The following ANKS1B variants were observed in gnomAD, a reference collection of about 807,000 sequenced individuals.
ANKS1B encodes the protein ankyrin repeat and sterile alpha motif domain containing 1B, also known as ankyrin repeat and sterile alpha motif domain-containing protein 1B.
A neutral mutation model predicts 148.3 loss-of-function variants in ANKS1B; 36 were observed. That is an observed-to-expected ratio of 0.24 (90% CI 0.19 to 0.32). The LOEUF (loss-of-function observed/expected upper bound fraction) is 0.32. ANKS1B is among the 10% of genes least tolerant of loss of function. The pLI, the probability that ANKS1B is intolerant of heterozygous loss-of-function variation, is 1.00. For synonymous variants in ANKS1B, 542 were observed against 560.8 expected, an observed-to-expected ratio of 0.97 and a Z score of 0.47; for missense variants, 1,157 against 1,542.6, an observed-to-expected ratio of 0.75 and a Z score of 4.19.
At chr12:98,757,555 G>A (rs754402151) in intron 25 of ANKS1B, among the ~76,000 whole-genome samples, 8 of 152,044 alleles carry the variant, frequency 5.3e-5, no homozygotes, top group Admixed American at 1.3e-4. Flanking sequence ...GAGCCACCCG[G>A]TCCCCTGGCT....
chr12:99,288,598 T>A (rs1047840910), intron 12 of ANKS1B, among the ~76,000 whole-genome samples: 1 of 151,966 alleles, frequency 6.6e-6, no homozygotes, highest in African/African-American at 2.4e-5. Flanking sequence ...TCAAAAATAA[T>A]AATGGGGTGA....
chr12:99,736,543 TG>T (rs1203974184), intron 8 of ANKS1B, among the ~76,000 whole-genome samples: 1 of 151,194 alleles, frequency 6.6e-6, no homozygotes, highest in Non-Finnish European at 1.5e-5. Context: ...ACCAAGGAGG[TG>T]AAAGACATCT....
At chr12:99,785,341 A>G (rs1347133228) in intron 4 of ANKS1B, among the ~76,000 whole-genome samples, 1 of 151,872 alleles carries the variant, frequency 6.6e-6, no homozygotes, top group Admixed American at 6.6e-5. Context: ...TTGTTGCCCT[A>G]TACTAAATGT....
intron 15 of ANKS1B, among the ~76,000 whole-genome samples, chr12:99,113,670 C>T (rs903335943): frequency 6.6e-6 from 1 of 152,176 alleles, no homozygotes; most frequent in African/African-American, 2.4e-5. Flanking sequence ...TTGTGCCTTT[C>T]TCTTCATCCA....
At chr12:99,168,906 G>C (rs902351151) in intron 14 of ANKS1B, among the ~76,000 whole-genome samples, 1 of 152,100 alleles carries the variant, frequency 6.6e-6, no homozygotes, top group Non-Finnish European at 1.5e-5. Flanking sequence ...TGTCATAACT[G>C]CATTAAAATA....
chr12:98,768,713 G>A (rs1300975363), intron 25 of ANKS1B, among the ~76,000 whole-genome samples: 4 of 142,156 alleles, frequency 2.8e-5, no homozygotes, highest in Admixed American at 7.5e-5. Flanking sequence ...CAGCTTGGGC[G>A]ACAGAGCGAG....
At position 98,829,152 on chromosome 12, in the gene ANKS1B, A is replaced by T; in HGVS notation, c.3066+22T>A. The T allele has an allele frequency of 1.2e-6, 2 of 1,613,654 alleles. No homozygotes were observed. The highest frequency in any genetic ancestry group is 1.7e-6 in the Non-Finnish European group (2 of 1,179,720). ...TTACCTGATATGGTTGAAAAATATC[A>T]CAAAGGCTTATAACACCTTACCTGA... On this transcript the variant is annotated intron_variant, in intron 19 of 26. Transcript: ENST00000683438. The surrounding 1 kb of genome is among the most constrained non-coding windows in gnomAD (Gnocchi z 5.2).
At chr12:99,524,857 C>T (rs2096911188) in intron 9 of ANKS1B, among the ~76,000 whole-genome samples, 1 of 152,092 alleles carries the variant, frequency 6.6e-6, no homozygotes, top group Non-Finnish European at 1.5e-5. Context: ...AATTATCTCC[C>T]ACAGGATCCC....
intron 1 of ANKS1B, among the ~76,000 whole-genome samples, chr12:99,885,333 C>CA (rs1189751114): frequency 5.4e-5 from 7 of 130,400 alleles, no homozygotes. Flanking sequence ...TTTTTTGAGA[C>CA]AGAGTCACCC....
chr12:99,490,624 T>C (rs938491881), intron 10 of ANKS1B, among the ~76,000 whole-genome samples: 4 of 152,190 alleles, frequency 2.6e-5, no homozygotes, highest in Admixed American at 1.3e-4. Flanking sequence ...CTTCTTGAAT[T>C]TGTGTGTTCT....
In ANKS1B at chr12:98,801,107, G is replaced by A; in HGVS notation, c.3160C>T (p.Pro1054Ser). 1 of 1,612,380 alleles carries A rather than the reference G, an allele frequency of 6.2e-7. No individual in the cohort carries two copies. The highest frequency in any genetic ancestry group is 8.5e-7 in the Non-Finnish European group (1 of 1,179,228). The part of the protein sequence containing the change: ...QVHNTGDWGE[P>S]SITLRPPNEA... ...TTCGGAGGTCGCAAGGTAATGGAAG[G>A]TTCTCCCCAGTCTCCTGTCTGAAAA... Residue 1054 changes from proline to serine, a missense_variant, in exon 21 of 27, where the codon CCT becomes TCT. Around this residue, in one of 6 missense-constraint regions of ANKS1B, gnomAD observed 258 missense variants for 497.0 expected, o/e 0.52. Transcript: ENST00000683438. This position sits in a 1 kb window ranked among gnomAD's most constrained non-coding sequence, Gnocchi z 5.2.
intron 10 of ANKS1B, among the ~76,000 whole-genome samples, chr12:99,451,688 C>G (rs1275150828): frequency 2.0e-5 from 3 of 152,120 alleles, no homozygotes; most frequent in Non-Finnish European, 4.4e-5. Context: ...TCAGAAAACC[C>G]TAAGCTGAAA....
chr12:99,002,500 T>TTG (rs1555605948), intron 17 of ANKS1B, among the ~76,000 whole-genome samples: 4 of 151,986 alleles, frequency 2.6e-5, no homozygotes, highest in African/African-American at 9.7e-5. Flanking sequence ...CTTTTTTTTT[T>TTG]TGTGATGAGA....
intron 12 of ANKS1B, among the ~76,000 whole-genome samples, chr12:99,322,823 G>A (rs2085553569): frequency 6.6e-6 from 1 of 152,206 alleles, no homozygotes; most frequent in Non-Finnish European, 1.5e-5. Flanking sequence ...GAATCATGGA[G>A]GAAGTTTTCC....
chr12:98,820,883 T>C (rs1385199743), intron 19 of ANKS1B, among the ~76,000 whole-genome samples: 1 of 152,214 alleles, frequency 6.6e-6, no homozygotes, highest in African/African-American at 2.4e-5. Flanking sequence ...TTGCAAGATG[T>C]AGCTAAACAT....
chr12:99,249,126 A>C (rs1010088661), intron 12 of ANKS1B, among the ~76,000 whole-genome samples: 3 of 152,138 alleles, frequency 2.0e-5, no homozygotes, highest in Admixed American at 1.3e-4. Flanking sequence ...AGGTGGTAGG[A>C]AGGAGGAATT....
intron 17 of ANKS1B, among the ~76,000 whole-genome samples, chr12:98,985,311 T>C (rs1469231224): frequency 6.6e-6 from 1 of 152,126 alleles, no homozygotes; most frequent in Non-Finnish European, 1.5e-5. Context: ...AGAAGAGATC[T>C]TGCTATATTG....
intron 15 of ANKS1B, among the ~76,000 whole-genome samples, chr12:99,140,733 T>C (rs1566392485): frequency 6.6e-6 from 1 of 152,152 alleles, no homozygotes; most frequent in African/African-American, 2.4e-5. Flanking sequence ...CAATTGTCTT[T>C]CTAATTCCTG....
intron 14 of ANKS1B, among the ~76,000 whole-genome samples, chr12:99,215,788 C>T (rs533970979): frequency 1.3e-5 from 2 of 152,298 alleles, no homozygotes; most frequent in South Asian, 4.1e-4. Context: ...TTTATGGGCT[C>T]ATGGGCAGAA....
Sources: gnomAD v4.1 joint callset for allele counts (sites outside exome capture counted in the v4.1 genomes callset) on GRCh38, gnomAD v4.1.1 for gene constraint, gnomAD v4.1.1 regional missense constraint, Gnocchi (gnomAD v3.1) non-coding constraint, MANE v1.5 for transcripts, NCBI Gene and HGNC (gene_info 2026-07-23, HGNC 2026-07-21) for gene names.